CELF2: variants seen among roughly 807,000 people sequenced by gnomAD.
CELF2 encodes the protein CUG triplet repeat RNA-binding protein 2.
CELF2 carries 8 observed loss-of-function variants against 62.6 expected under a neutral mutation model. The ratio of observed to expected loss-of-function variants is 0.13; its 90% CI spans 0.07 to 0.23. The LOEUF is 0.23. Ranked by LOEUF, CELF2 falls within the 10% of genes least tolerant of loss-of-function variation. CELF2 has a pLI of 1.00. For synonymous variants in CELF2, 258 were observed against 250.0 expected, an observed-to-expected ratio of 1.03 and a Z score of -0.30; for missense variants, 333 against 671.0, an observed-to-expected ratio of 0.50 and a Z score of 5.56.
At chr10:10,531,358 A>G in the CELF2 span, among the ~76,000 whole-genome samples, 2 of 152,232 alleles carry the variant, frequency 1.3e-5, no homozygotes, top group Non-Finnish European at 2.9e-5. Context: ...GATTTTAATC[A>G]CGCTCTAAAA....
intron 8 of CELF2, among the ~76,000 whole-genome samples, chr10:11,278,339 T>C (rs983942026): frequency 6.6e-6 from 1 of 152,214 alleles, no homozygotes; most frequent in Non-Finnish European, 1.5e-5. Context: ...ATTGACGGCT[T>C]TTATATCTAC....
chr10:11,311,827 C>A lies in CELF2; in HGVS notation c.977-2312C>A, dbSNP rs555128321. On this transcript the variant is annotated intron_variant, in intron 9 of 12. Coordinates refer to ENST00000633077, the MANE Select transcript of CELF2 (RefSeq NM_001326342.2). The surrounding 1 kb of genome is among the most constrained non-coding windows in gnomAD (Gnocchi z 4.7). Reference sequence around the variant, plus strand: ...GACATGGAATAGATCTAACTTAGGTCTAGCTAAATTCCTAGTGGAAAGGAG... The same window carrying A: ...GACATGGAATAGATCTAACTTAGGTATAGCTAAATTCCTAGTGGAAAGGAG... Among the ~76,000 whole-genome samples, 152 of 151,622 alleles carry A rather than the reference C, an allele frequency of 1.0e-3. 1 individual carries two copies. Among genetic ancestry groups the A allele is most frequent in the Non-Finnish European group, 1.9e-3 (127 of 67,970 alleles).
chr10:10,895,539 A>G (rs915946123), intron 1 of CELF2, among the ~76,000 whole-genome samples: 4 of 152,194 alleles, frequency 2.6e-5, no homozygotes, highest in African/African-American at 7.2e-5. Context: ...CAGCCTATTC[A>G]GATAATATGC....
At chr10:10,856,682 G>T (rs150109866) in intron 1 of CELF2, among the ~76,000 whole-genome samples, 1 of 152,032 alleles carries the variant, frequency 6.6e-6, no homozygotes. Flanking sequence ...CCTTCTACTC[G>T]TGCACTCATT....
chr10:10,866,938 A>T (rs2060422395), intron 1 of CELF2, among the ~76,000 whole-genome samples: 1 of 151,698 alleles, frequency 6.6e-6, no homozygotes, highest in African/African-American at 2.4e-5. Context: ...AAAAAAAAAA[A>T]AGTGGGGTGA....
At chr10:11,278,397 A>C (rs533793280) in intron 8 of CELF2, among the ~76,000 whole-genome samples, 1 of 152,260 alleles carries the variant, frequency 6.6e-6, no homozygotes, top group East Asian at 1.9e-4. Context: ...CCCTCTTAAA[A>C]CTTCTAATGA....
intron 3 of CELF2, among the ~76,000 whole-genome samples, chr10:11,218,228 A>G (rs915105697): frequency 3.9e-5 from 6 of 152,308 alleles, no homozygotes; most frequent in East Asian, 1.9e-4. Flanking sequence ...CATTGACCCA[A>G]ATATCAGTGA....
the CELF2 span, among the ~76,000 whole-genome samples, chr10:10,718,623 CAAA>C: frequency 2.9e-4 from 24 of 83,806 alleles, no homozygotes; most frequent in East Asian, 6.9e-4. Context: ...GACTCCGTCT[CAAA>C]AAAAAAAAAA....
the CELF2 span, among the ~76,000 whole-genome samples, chr10:10,711,979 G>A: frequency 6.6e-5 from 10 of 151,956 alleles, no homozygotes; most frequent in Non-Finnish European, 1.2e-4. Context: ...TTTATGTCTG[G>A]ATGTGCAAGG....
intron 1 of CELF2, among the ~76,000 whole-genome samples, chr10:10,881,905 A>T (rs2061461919): frequency 1.3e-5 from 2 of 152,178 alleles, no homozygotes; most frequent in African/African-American, 4.8e-5. Flanking sequence ...TTGTTTTGAG[A>T]TTGGGGGCAA....
In CELF2 at chr10:11,267,028, C is replaced by G. The variant is rs1027783166; in HGVS notation, c.618+351C>G. On this transcript the variant is annotated intron_variant, in intron 6 of 12. Transcript: ENST00000633077. The surrounding 1 kb of genome is among the most constrained non-coding windows in gnomAD (Gnocchi z 4.4). ...TCAAATACATTCCCCACACCGGGGTCGGTGCGGATGAAACAGTAACAGCCT... is the reference window on the plus strand; with the variant it reads ...TCAAATACATTCCCCACACCGGGGTGGGTGCGGATGAAACAGTAACAGCCT... Among the ~76,000 whole-genome samples, 10 of 152,180 alleles carry G rather than the reference C, an allele frequency of 6.6e-5. No individual in the cohort carries two copies. Among genetic ancestry groups the G allele is most frequent in the Non-Finnish European group, 1.5e-4 (10 of 68,016 alleles).
At chr10:11,026,734 C>T (rs768934563) in intron 1 of CELF2, among the ~76,000 whole-genome samples, 2 of 152,140 alleles carry the variant, frequency 1.3e-5, no homozygotes, top group South Asian at 2.1e-4. Context: ...TTTTCCTGAG[C>T]GGCTTCCTAA....
chr10:10,820,490 G>T (rs1381527367), intron 1 of CELF2, among the ~76,000 whole-genome samples: 1 of 152,124 alleles, frequency 6.6e-6, no homozygotes, highest in Non-Finnish European at 1.5e-5. Context: ...TGTGCCAGGA[G>T]GAGAATTCAT....
chr10:10,603,796 C>G, the CELF2 span, among the ~76,000 whole-genome samples: 1 of 151,932 alleles, frequency 6.6e-6, no homozygotes, highest in Non-Finnish European at 1.5e-5. Context: ...CACACACACA[C>G]ACACACACAC....
the CELF2 span, among the ~76,000 whole-genome samples, chr10:10,574,014 T>A: frequency 6.6e-6 from 1 of 152,202 alleles, no homozygotes; most frequent in Non-Finnish European, 1.5e-5. Context: ...AAGGATCAAT[T>A]TGATCTGATC....
At chr10:11,203,988 G>A (rs10752215) in intron 2 of CELF2, among the ~76,000 whole-genome samples, 103,797 of 152,098 alleles carry the variant, frequency 0.68, 36,300 homozygotes, top group African/African-American at 0.73. Context: ...GCTGAGTGGA[G>A]AGACTGGGGG....
At position 11,165,911 on chromosome 10, in the gene CELF2, C is replaced by T. The variant is rs565765707; in HGVS notation, c.271+229C>T. ...GCGGGAGAGAGGGACCGAGGCAGGG[C>T]GGGAGCGCAGAGGCTCGGTCCAGGC... On this transcript the variant is annotated intron_variant, in intron 2 of 12. Transcript: ENST00000633077. This position sits in a 1 kb window ranked among gnomAD's most constrained non-coding sequence, Gnocchi z 7.4. 2.6e-5 allele frequency among the ~76,000 whole-genome samples: 4 copies of T among 152,312 alleles called. No individual in the cohort carries two copies. In the East Asian group the frequency reaches 5.8e-4, roughly 22 times the overall value.
At chr10:10,852,591 C>T (rs1032616420) in intron 1 of CELF2, among the ~76,000 whole-genome samples, 3 of 152,118 alleles carry the variant, frequency 2.0e-5, no homozygotes, top group East Asian at 1.9e-4. Flanking sequence ...CACACACAGA[C>T]ACCACTGAAA....
chr10:11,132,377 T>C (rs2059753472), intron 1 of CELF2, among the ~76,000 whole-genome samples: 1 of 152,168 alleles, frequency 6.6e-6, no homozygotes, highest in Non-Finnish European at 1.5e-5. Context: ...GCCTAGCATG[T>C]AAGAGAGTAG....
Sources: allele counts gnomAD v4.1 joint callset (sites outside exome capture counted in the v4.1 genomes callset), GRCh38; gene constraint gnomAD v4.1.1; non-coding constraint Gnocchi (gnomAD v3.1); transcripts MANE v1.5; gene names NCBI Gene and HGNC (gene_info 2026-07-23, HGNC 2026-07-21).